TSPAN7: variants seen among roughly 807,000 people sequenced by gnomAD.
TSPAN7 encodes the protein tetraspanin-7.
TSPAN7 carries 1 observed loss-of-function variant against 17.6 expected under a neutral mutation model. The observed-to-expected ratio is 0.06, with a 90% CI of 0.02 to 0.27. TSPAN7 has a LOEUF of 0.27. Ranked by LOEUF, TSPAN7 falls within the 10% of genes least tolerant of loss-of-function variation. The probability of loss-of-function intolerance (pLI) is 1.00; values close to 1 mark genes in which losing one functional copy is unlikely to be tolerated. For missense variants in TSPAN7, 112 were observed against 201.7 expected (o/e 0.56, Z 2.69); for synonymous variants, 78 against 79.0 (o/e 0.99, Z 0.07).
At chrX:38,615,890 T>C (rs2069452990) in intron 1 of TSPAN7, among the ~76,000 whole-genome samples, 1 of 111,682 alleles carries the variant, frequency 9.0e-6, no homozygotes, top group African/African-American at 3.3e-5. Context: ...GGGGTCACCA[T>C]CACTCTAGAC....
intron 1 of TSPAN7, among the ~76,000 whole-genome samples, chrX:38,579,049 A>G (rs763857682): frequency 8.9e-6 from 1 of 111,927 alleles, no homozygotes; most frequent in East Asian, 2.8e-4. Flanking sequence ...AAGACAATTA[A>G]TATACTACTT....
chrX:38,587,350 C>G (rs1205420153), intron 1 of TSPAN7, among the ~76,000 whole-genome samples: 1 of 111,861 alleles, frequency 8.9e-6, no homozygotes, highest in Non-Finnish European at 1.9e-5. Flanking sequence ...GTTTAATCTG[C>G]TTTGTTGTGG....
At chrX:38,623,622 G>GTT (rs146796872) in intron 1 of TSPAN7, among the ~76,000 whole-genome samples, 6 of 103,447 alleles carry the variant, frequency 5.8e-5, no homozygotes, top group African/African-American at 1.4e-4. Context: ...GTGAGTGAGG[G>GTT]TTTTTTTTGC....
At chrX:38,604,969 A>G (rs1291819689) in intron 1 of TSPAN7, among the ~76,000 whole-genome samples, 2 of 111,384 alleles carry the variant, frequency 1.8e-5, no homozygotes, top group Non-Finnish European at 3.8e-5. Context: ...AATGGGCAAA[A>G]ACTGGATGCA....
chrX:38,680,986 T>C (rs775000697), intron 5 of TSPAN7, among the ~76,000 whole-genome samples: 1 of 112,099 alleles, frequency 8.9e-6, no homozygotes, highest in South Asian at 3.7e-4. Context: ...ATTTGTGATG[T>C]TAGGGGAAGG....
intron 1 of TSPAN7, among the ~76,000 whole-genome samples, chrX:38,566,684 T>C (rs1446077441): frequency 1.8e-5 from 2 of 111,897 alleles, no homozygotes; most frequent in African/African-American, 6.5e-5. Context: ...TCAGACATTT[T>C]GGTTATTTAA....
At position 38,615,474 on chromosome X, in the gene TSPAN7, G is replaced by C. The variant is rs758441538; in HGVS notation, c.82-50647G>C. 2.8e-4 allele frequency among the ~76,000 whole-genome samples: 31 copies of C among 111,605 alleles called. No homozygotes were observed. In the South Asian group the frequency reaches 7.9e-3, roughly 29 times the overall value. On this transcript the variant is annotated intron_variant, in intron 1 of 7. Transcript: ENST00000378482. ...TTAGAGAGAACCCTTTTCATTTAAAGGGATTGAAAGAGCACTGGACCAATT... is the reference window on the plus strand; with the variant it reads ...TTAGAGAGAACCCTTTTCATTTAAACGGATTGAAAGAGCACTGGACCAATT...
chrX:38,585,394 T>C (rs2147402630), intron 1 of TSPAN7, among the ~76,000 whole-genome samples: 1 of 111,673 alleles, frequency 9.0e-6, no homozygotes, highest in South Asian at 3.7e-4. Flanking sequence ...TGTTGCCCAT[T>C]CTTATATCAG....
chrX:38,616,346 T>C (rs1430105973), intron 1 of TSPAN7, among the ~76,000 whole-genome samples: 1 of 112,016 alleles, frequency 8.9e-6, no homozygotes, highest in East Asian at 2.8e-4. Context: ...CCACAAAGAC[T>C]GGCTCCAGAG....
chrX:38,619,157 G>A (rs763461252), intron 1 of TSPAN7, among the ~76,000 whole-genome samples: 1 of 110,922 alleles, frequency 9.0e-6, no homozygotes, highest in Non-Finnish European at 1.9e-5. Context: ...GGTGGCCACT[G>A]CTGCCCCTGG....
intron 1 of TSPAN7, among the ~76,000 whole-genome samples, chrX:38,594,734 T>C (rs1260945316): frequency 8.9e-6 from 1 of 112,024 alleles, no homozygotes; most frequent in African/African-American, 3.2e-5. Flanking sequence ...CAAGTAAAAA[T>C]TGTCTATATT....
At chrX:38,561,758 C>T in intron 1 of TSPAN7, 131 bp downstream of exon 1, 1 of 546,051 alleles carries the variant, frequency 1.8e-6, no homozygotes, top group Non-Finnish European at 2.9e-6. Flanking sequence ...AGGAGACAGG[C>T]GCGGGGTGCT....
At chrX:38,594,179 G>T (rs1177838205) in intron 1 of TSPAN7, among the ~76,000 whole-genome samples, 1 of 111,526 alleles carries the variant, frequency 9.0e-6, no homozygotes, top group Non-Finnish European at 1.9e-5. Flanking sequence ...CTGTTTTTTT[G>T]TTTGTTTGTT....
At chrX:38,672,305 CCT>C (rs1312599982) in intron 3 of TSPAN7, among the ~76,000 whole-genome samples, 2 of 109,275 alleles carry the variant, frequency 1.8e-5, no homozygotes, top group Non-Finnish European at 3.8e-5. Context: ...GTTCCCAGGC[CCT>C]GTTTTTTTTT....
At chrX:38,620,996 T>A (rs1324391582) in intron 1 of TSPAN7, among the ~76,000 whole-genome samples, 1 of 112,115 alleles carries the variant, frequency 8.9e-6, no homozygotes, top group Non-Finnish European at 1.9e-5. Context: ...CTGAATAGAT[T>A]GGGACAGCCT....
intron 1 of TSPAN7, among the ~76,000 whole-genome samples, chrX:38,595,553 G>A (rs771995103): frequency 5.8e-4 from 65 of 112,050 alleles, no homozygotes; most frequent in Non-Finnish European, 8.7e-4. Flanking sequence ...ACATTAGTGA[G>A]AAGAAGTCAA....
At chrX:38,645,210 G>A (rs1379962696) in intron 1 of TSPAN7, among the ~76,000 whole-genome samples, 1 of 112,223 alleles carries the variant, frequency 8.9e-6, no homozygotes, top group Non-Finnish European at 1.9e-5. Flanking sequence ...TAGGGACAGG[G>A]GCAGCCTTGG....
intron 2 of TSPAN7, among the ~76,000 whole-genome samples, chrX:38,667,217 G>A (rs1413320982): frequency 8.9e-6 from 1 of 111,801 alleles, no homozygotes; most frequent in East Asian, 2.8e-4. Context: ...ATAAAGCAGT[G>A]ATGCTTCCCA....
At position 38,636,200 on chromosome X, in the gene TSPAN7, G is replaced by T. The variant is rs1363115669; in HGVS notation, c.82-29921G>T. 3.1e-4 allele frequency among the ~76,000 whole-genome samples: 34 copies of T among 110,512 alleles called. No individual in the cohort carries two copies. The Admixed American group carries it at 3.3e-3, about 11-fold the overall frequency. On this transcript the variant is annotated intron_variant, in intron 1 of 7. Transcript: ENST00000378482. ...TTGATCAGAACAGCTAAGTATACCT[G>T]CCCTGTCCACTGTTTAATAAGTCAA...
Sources: allele counts gnomAD v4.1 joint callset (sites outside exome capture counted in the v4.1 genomes callset), GRCh38; gene constraint gnomAD v4.1.1; transcripts MANE v1.5; gene names NCBI Gene and HGNC (gene_info 2026-07-23, HGNC 2026-07-21).